Variants in EVI5 observed in about 807,000 individuals in gnomAD.
EVI5 encodes ecotropic viral integration site 5 protein homolog.
In EVI5, 73 loss-of-function variants were observed where a neutral mutation model predicts 112.0. That is an observed-to-expected ratio of 0.65 (90% CI 0.54 to 0.79). EVI5 has a LOEUF of 0.79. Among genes scored for constraint, EVI5 ranks in the 30% least tolerant of loss-of-function variants. EVI5 has a pLI of 0.00. For synonymous variants in EVI5, 305 were observed against 319.9 expected (o/e 0.95, Z 0.50); for missense variants, 900 against 968.8 (o/e 0.93, Z 0.94).
chr1:92,769,874 G>A (rs1363856788), intron 1 of EVI5, among the ~76,000 whole-genome samples: 4 of 152,060 alleles, frequency 2.6e-5, no homozygotes, highest in African/African-American at 7.3e-5. Flanking sequence ...GTGACAGAGT[G>A]AGACTCCCAT....
chr1:92,718,430 T>G (rs1386014600), intron 2 of EVI5, among the ~76,000 whole-genome samples: 2 of 152,164 alleles, frequency 1.3e-5, no homozygotes, highest in African/African-American at 2.4e-5. Context: ...AACAACCTGC[T>G]CCTGAATGAC....
intron 13 of EVI5, among the ~76,000 whole-genome samples, chr1:92,654,203 G>A (rs890735419): frequency 2.0e-5 from 3 of 152,078 alleles, no homozygotes; most frequent in Non-Finnish European, 4.4e-5. Flanking sequence ...CAAAGATCAA[G>A]CACCTGTCCA....
At chr1:92,594,957 A>G (rs1406595471) in intron 18 of EVI5, among the ~76,000 whole-genome samples, 3 of 152,254 alleles carry the variant, frequency 2.0e-5, no homozygotes, top group Non-Finnish European at 4.4e-5. Flanking sequence ...ACACTTGTAC[A>G]CTGTTGGTGG....
chr1:92,611,534 TAAA>T (rs763503738), intron 16 of EVI5, among the ~76,000 whole-genome samples: 2 of 122,720 alleles, frequency 1.6e-5, no homozygotes, highest in African/African-American at 3.0e-5. Context: ...CTGTCTCTAC[TAAA>T]AAAAAAAAAA....
chr1:92,610,653 G>A (rs1651548232), intron 16 of EVI5, among the ~76,000 whole-genome samples: 1 of 152,002 alleles, frequency 6.6e-6, no homozygotes, highest in Non-Finnish European at 1.5e-5. Flanking sequence ...TATAAATACA[G>A]CCACTGAATT....
chr1:92,756,288 A>G, intron 1 of EVI5: 1 of 464,298 alleles, frequency 2.2e-6, no homozygotes, highest in South Asian at 1.7e-5. Context: ...GTAGTACACA[A>G]AACAGATCTT....
intron 10 of EVI5, among the ~76,000 whole-genome samples, chr1:92,668,020 C>T (rs1665229086): frequency 6.6e-6 from 1 of 152,150 alleles, no homozygotes; most frequent in African/African-American, 2.4e-5. Context: ...ATGTCTGTCT[C>T]AGAAAATTCT....
intron 9 of EVI5, among the ~76,000 whole-genome samples, chr1:92,689,719 T>A (rs748485735): frequency 3.9e-5 from 6 of 152,206 alleles, no homozygotes; most frequent in Non-Finnish European, 7.3e-5. Context: ...AGTGTCACTT[T>A]GGCAAAATTT....
intron 19 of EVI5, among the ~76,000 whole-genome samples, chr1:92,530,637 C>T (rs1662717983): frequency 6.6e-6 from 1 of 151,914 alleles, no homozygotes; most frequent in African/African-American, 2.4e-5. Flanking sequence ...TGGTGATACC[C>T]AGGCAAACAG....
At chr1:92,755,237 C>T (rs1477680478) in intron 1 of EVI5, among the ~76,000 whole-genome samples, 2 of 151,748 alleles carry the variant, frequency 1.3e-5, no homozygotes, top group South Asian at 2.1e-4. Flanking sequence ...GTTGAAACCC[C>T]GTCTCCACTA....
At chr1:92,763,175 G>A (rs1204617761) in intron 1 of EVI5, among the ~76,000 whole-genome samples, 1 of 151,854 alleles carries the variant, frequency 6.6e-6, no homozygotes. Flanking sequence ...AAGATGAGGT[G>A]GGAGGACTGC....
Position 92,513,542 on chromosome 1 carries a change from TATATATATATATATATATATATATGTAC to T in EVI5, c.*86_*113del. The T allele has an allele frequency of 7.1e-5, 1 of 14,006 alleles. No individual in the cohort carries two copies. 0.9% of individuals were successfully genotyped at this position (14,006 alleles called of 1,614,324 possible). ...ATATATATATATATATATATATATA[TATATATATATATATATATATATATGTAC>T]ATATGAAACAAATTATTTCCAAAAA... On this transcript the variant is annotated 3_prime_UTR_variant, in exon 20 of 20. Transcript: ENST00000684568.
chr1:92,570,238 G>C (rs1670128910), intron 18 of EVI5, among the ~76,000 whole-genome samples: 1 of 152,120 alleles, frequency 6.6e-6, no homozygotes, highest in Admixed American at 6.6e-5. Flanking sequence ...TACTTCCAAG[G>C]GGGACTAATT....
At chr1:92,597,035 C>T (rs1648069343) in intron 18 of EVI5, among the ~76,000 whole-genome samples, 1 of 152,146 alleles carries the variant, frequency 6.6e-6, no homozygotes, top group Non-Finnish European at 1.5e-5. Flanking sequence ...TTAGAATCCT[C>T]AGTTTTGAAT....
chr1:92,636,137 G>C, intron 14 of EVI5, 65 bp downstream of exon 14: 1 of 1,330,252 alleles, frequency 7.5e-7, no homozygotes, highest in East Asian at 2.3e-5. Context: ...TGCTCAGTAA[G>C]TACTTAATAA....
At chr1:92,653,747 G>C (rs1662552325) in intron 13 of EVI5, among the ~76,000 whole-genome samples, 1 of 152,200 alleles carries the variant, frequency 6.6e-6, no homozygotes, top group Non-Finnish European at 1.5e-5. Flanking sequence ...GGAGAGGAGA[G>C]CCAAAAAGCT....
intron 18 of EVI5, among the ~76,000 whole-genome samples, chr1:92,577,188 G>A (rs1326017679): frequency 6.6e-6 from 1 of 152,096 alleles, no homozygotes; most frequent in East Asian, 1.9e-4. Context: ...TCCCTTTAAG[G>A]AACAAAGGCT....
intron 18 of EVI5, among the ~76,000 whole-genome samples, chr1:92,586,311 A>C (rs898601968): frequency 1.3e-5 from 2 of 152,162 alleles, no homozygotes; most frequent in African/African-American, 4.8e-5. Flanking sequence ...CCCCTCCTTG[A>C]GGGTGGAGTA....
intron 10 of EVI5, among the ~76,000 whole-genome samples, chr1:92,674,966 T>G (rs1025390827): frequency 6.6e-6 from 1 of 152,252 alleles, no homozygotes; most frequent in Non-Finnish European, 1.5e-5. Flanking sequence ...TTATGCCAAC[T>G]GCCTGAGACA....
Sources: gnomAD v4.1 joint callset for allele counts (sites outside exome capture counted in the v4.1 genomes callset) on GRCh38, gnomAD v4.1.1 for gene constraint, MANE v1.5 for transcripts, NCBI Gene and HGNC (gene_info 2026-07-23, HGNC 2026-07-21) for gene names.